RBM47: variants seen among roughly 807,000 people sequenced by gnomAD.
RBM47 encodes RNA binding motif protein 47, also known as RNA-binding protein 47.
Under a neutral mutation model 47.1 loss-of-function variants are expected in RBM47, and 21 were observed. The observed-to-expected ratio is 0.45, with a 90% CI of 0.32 to 0.64. RBM47 has a LOEUF of 0.64. Ranked by LOEUF, RBM47 falls within the 30% of genes least tolerant of loss-of-function variation. RBM47 has a pLI of 0.05. For synonymous variants in RBM47, 375 were observed against 361.7 expected (o/e 1.04, Z -0.42); for missense variants, 708 against 870.9 (o/e 0.81, Z 2.35).
At position 40,423,751 on chromosome 4, in the gene RBM47, T is replaced by C. The variant is rs917789628; in HGVS notation, c.*2153A>G. The C allele has an allele frequency of 5.9e-5, 9 of 151,892 alleles. No homozygotes were observed. Among genetic ancestry groups the C allele is most frequent in the African/African-American group, 2.2e-4 (9 of 41,248 alleles). The allele number at this position is 151,892 out of a possible 1,614,324, so 9.4% of individuals were successfully genotyped here. On this transcript the variant is annotated 3_prime_UTR_variant, in exon 7 of 7. Coordinates refer to ENST00000295971, the MANE Select transcript of RBM47 (RefSeq NM_001098634.2). ...CTTTCTTCCTCTTCTTCTTCTTTTT[T>C]GCAAATAATTTACAGGCATATGTAA...
Position 40,526,537 on chromosome 4 carries a change from T to A in RBM47, c.-155+17885A>T, listed in dbSNP as rs143860880. On this transcript the variant is annotated intron_variant, in intron 2 of 6. Coordinates refer to ENST00000295971, the MANE Select transcript of RBM47 (RefSeq NM_001098634.2). ...CCATGTGTTTTCTGTTACATATTAT[T>A]CTTTTATTTGTTTCTTTTTGTTTTT... Among the ~76,000 whole-genome samples, 43 of 152,218 alleles carry A rather than the reference T, an allele frequency of 2.8e-4. No homozygotes were observed. In the East Asian group the frequency reaches 8.3e-3, roughly 29 times the overall value.
rs548263846 is a variant in RBM47 at position 40,495,599 on chromosome 4, T to C, written c.-154-28900A>G. On this transcript the variant is annotated intron_variant, in intron 2 of 6. Transcript: ENST00000295971. ...CCTGGGTGACAAGAGTGAAATTTCA[T>C]CTCAAAAAAGAAAAAAAAAAAGTTT... is the stretch of plus-strand genomic sequence containing the variant. Among the ~76,000 whole-genome samples the C allele has an allele frequency of 4.0e-5, 6 of 151,038 alleles. No homozygotes were observed. In the South Asian group the frequency reaches 1.0e-3, roughly 26 times the overall value.
intron 4 of RBM47, among the ~76,000 whole-genome samples, chr4:40,437,138 C>CAT (rs1166644165): frequency 0.028 from 2,145 of 76,266 alleles, 205 homozygotes; most frequent in East Asian, 0.15. Context: ...ATATAAAATA[C>CAT]ATATATATAT....
At position 40,589,291 on chromosome 4, in the gene RBM47, T is replaced by G. The variant is rs150938519; in HGVS notation, c.-240+40105A>C. On this transcript the variant is annotated intron_variant, in intron 1 of 6. Coordinates refer to ENST00000295971, the MANE Select transcript of RBM47 (RefSeq NM_001098634.2). The stretch of plus-strand genomic sequence containing the variant: ...CCCAAAGGTTTCTTTTTGAAGTGAT[T>G]AAGATGTTCTAAACTTACTGTGTAA... Among the ~76,000 whole-genome samples the G allele has an allele frequency of 1.2e-3, 185 of 152,242 alleles. 2 individuals are homozygous for G. Among genetic ancestry groups the G allele is most frequent in the African/African-American group, 4.2e-3 (176 of 41,550 alleles).
At chr4:40,436,833 A>G (rs2154212261) in intron 4 of RBM47, 186 bp from the exon 5 acceptor site, 1 of 708,944 alleles carries the variant, frequency 1.4e-6, no homozygotes, top group South Asian at 1.5e-5. Flanking sequence ...CATCCTAAGC[A>G]TGTCTTCTTA....
At chr4:40,525,907 C>T (rs1346355284) in intron 2 of RBM47, among the ~76,000 whole-genome samples, 1 of 152,166 alleles carries the variant, frequency 6.6e-6, no homozygotes, top group Non-Finnish European at 1.5e-5. Context: ...AGATACTGGC[C>T]CAGCCCTGCT....
At chr4:40,618,671 T>C (rs983021370) in intron 1 of RBM47, among the ~76,000 whole-genome samples, 1 of 150,372 alleles carries the variant, frequency 6.7e-6, no homozygotes, top group Non-Finnish European at 1.5e-5. Context: ...AAGCCAGGCA[T>C]GGTGGCGCGC....
chr4:40,522,891 A>G (rs1038530538), intron 2 of RBM47, among the ~76,000 whole-genome samples: 94 of 152,062 alleles, frequency 6.2e-4, no homozygotes, highest in Non-Finnish European at 4.4e-5. Flanking sequence ...CTTAATTTTA[A>G]TTTCTAATGC....
At chr4:40,479,244 T>C (rs756886150) in intron 2 of RBM47, among the ~76,000 whole-genome samples, 1 of 152,212 alleles carries the variant, frequency 6.6e-6, no homozygotes, top group African/African-American at 2.4e-5. Context: ...ATGGACATTG[T>C]CATATCTGAA....
chr4:40,470,892 A>G (rs1718756774), intron 2 of RBM47, among the ~76,000 whole-genome samples: 1 of 152,006 alleles, frequency 6.6e-6, no homozygotes, highest in Admixed American at 6.6e-5. Flanking sequence ...ACAGGTGCAC[A>G]CCACCACACC....
At chr4:40,513,195 CA>C (rs1725170512) in intron 2 of RBM47, among the ~76,000 whole-genome samples, 1 of 152,188 alleles carries the variant, frequency 6.6e-6, no homozygotes, top group Non-Finnish European at 1.5e-5. Context: ...CAGCCGTTTT[CA>C]AATGACTGGC....
intron 1 of RBM47, among the ~76,000 whole-genome samples, chr4:40,547,603 C>A (rs1729154159): frequency 6.6e-6 from 1 of 152,244 alleles, no homozygotes; most frequent in South Asian, 2.1e-4. Flanking sequence ...CCCCTCCCCA[C>A]ATCCCCCAAC....
At chr4:40,540,599 A>C (rs1208267444) in intron 2 of RBM47, among the ~76,000 whole-genome samples, 1 of 150,162 alleles carries the variant, frequency 6.7e-6, no homozygotes, top group African/African-American at 2.4e-5. Context: ...AGATCACGCC[A>C]TTGACTCCAG....
At chr4:40,489,884 A>G (rs1466305011) in intron 2 of RBM47, among the ~76,000 whole-genome samples, 1 of 152,260 alleles carries the variant, frequency 6.6e-6, no homozygotes, top group African/African-American at 2.4e-5. Context: ...TGTCTTATGC[A>G]TATGGACTTT....
intron 1 of RBM47, among the ~76,000 whole-genome samples, chr4:40,586,736 A>G (rs1180098199): frequency 1.3e-5 from 2 of 151,714 alleles, no homozygotes; most frequent in Non-Finnish European, 2.9e-5. Flanking sequence ...GTCACAGTGA[A>G]GAAGGCAAAG....
chr4:40,560,866 T>C, intron 1 of RBM47, among the ~76,000 whole-genome samples: 1 of 151,734 alleles, frequency 6.6e-6, no homozygotes, highest in Admixed American at 6.6e-5. Context: ...CTCAGGAGGC[T>C]GAGGCAGGAG....
intron 1 of RBM47, among the ~76,000 whole-genome samples, chr4:40,557,141 G>A (rs1460895363): frequency 6.6e-6 from 1 of 152,186 alleles, no homozygotes; most frequent in Non-Finnish European, 1.5e-5. Flanking sequence ...GGCCCACAGT[G>A]TGCTTACTTG....
At chr4:40,576,192 A>C (rs1378618413) in intron 1 of RBM47, among the ~76,000 whole-genome samples, 1 of 144,586 alleles carries the variant, frequency 6.9e-6, no homozygotes, top group Non-Finnish European at 1.5e-5. Flanking sequence ...TATCTTTCCC[A>C]GATTATGCCC....
At position 40,535,373 on chromosome 4, in the gene RBM47, T is replaced by TTTTTTTTTTTTTTTTTCTTTTTC. The variant is rs1560452317; in HGVS notation, c.-155+9048_-155+9049insGAAAAAGAAAAAAAAAAAAAAAA. Among the ~76,000 whole-genome samples, 43 of 127,834 alleles carry TTTTTTTTTTTTTTTTTCTTTTTC rather than the reference T, an allele frequency of 3.4e-4. 2 individuals are homozygous for TTTTTTTTTTTTTTTTTCTTTTTC. In the East Asian group the frequency reaches 8.9e-3, roughly 27 times the overall value. 83.9% of individuals were successfully genotyped at this position (127,834 alleles called of 152,430 possible). On this transcript the variant is annotated intron_variant, in intron 2 of 6. Transcript: ENST00000295971. ...CATACCAGCCTGGTATGGTATTTCT[T>TTTTTTTTTTTTTTTTTCTTTTTC]TTTTTTTTTTTTTTTTTGAGACGGA...
Sources: gnomAD v4.1 joint callset for allele counts (sites outside exome capture counted in the v4.1 genomes callset) on GRCh38, gnomAD v4.1.1 for gene constraint, MANE v1.5 for transcripts, NCBI Gene and HGNC (gene_info 2026-07-23, HGNC 2026-07-21) for gene names.